Variants in FBXW2 observed in about 807,000 individuals in gnomAD.
FBXW2 encodes the protein F-box/WD repeat-containing protein 2.
In FBXW2, 12 loss-of-function variants were observed where a neutral mutation model predicts 46.0. The observed-to-expected ratio is 0.26, with a 90% CI of 0.17 to 0.42. The LOEUF is 0.42. FBXW2 is among the 10% of genes least tolerant of loss of function. FBXW2 has a pLI of 1.00. For synonymous variants in FBXW2, 203 were observed against 209.6 expected, an observed-to-expected ratio of 0.97 and a Z score of 0.27; for missense variants, 360 against 537.0, an observed-to-expected ratio of 0.67 and a Z score of 3.26.
At position 120,760,850 on chromosome 9, in the gene FBXW2, ATTTCT is replaced by A. The variant is rs1452417587; in HGVS notation, c.*3704_*3708del. On this transcript the variant is annotated 3_prime_UTR_variant, in exon 8 of 8. Transcript: ENST00000608872. ...GTCTAAAATACTGTTTCCGAAAGTT[ATTTCT>A]TTTGTTTTACAAATAGAGAGCAGTA... The A allele has an allele frequency of 2.0e-5, 3 of 152,190 alleles. No individual in the cohort carries two copies. Among genetic ancestry groups the A allele is most frequent in the Non-Finnish European group, 4.4e-5 (3 of 68,030 alleles). The allele number at this position is 152,190 out of a possible 1,614,324, so 9.4% of individuals were successfully genotyped here.
In FBXW2 at chr9:120,763,395, G is replaced by C. The variant is rs2044224422; in HGVS notation, c.*1164C>G. 6.6e-6 allele frequency: 1 copy of C among 152,210 alleles called. No individual in the cohort carries two copies. Among genetic ancestry groups the C allele is most frequent in the African/African-American group, 2.4e-5 (1 of 41,460 alleles). The allele number at this position is 152,210 out of a possible 1,614,324, so 9.4% of individuals were successfully genotyped here. ...GAAAGTTAACTTGCCTGAGGCTGCA[G>C]ATTAAGTTAGAGGCAAAGGAGGAAG... On this transcript the variant is annotated 3_prime_UTR_variant, in exon 8 of 8. Coordinates refer to ENST00000608872, the MANE Select transcript of FBXW2 (RefSeq NM_012164.4).
rs1386430765 is a variant in FBXW2, at chr9:120,759,479, T to TA, written c.*5079dup. ...AATATAAACTTTATCTCATGCCCTC[T>TA]AAATCACAACATACATCAAATTCGT... On this transcript the variant is annotated 3_prime_UTR_variant, in exon 8 of 8. Transcript: ENST00000608872. 1 of 152,248 alleles carries TA rather than the reference T, an allele frequency of 6.6e-6. No individual in the cohort carries two copies. The highest frequency in any genetic ancestry group is 6.5e-5 in the Admixed American group (1 of 15,284). 9.4% of individuals were successfully genotyped at this position (152,248 alleles called of 1,614,324 possible).
intron 3 of FBXW2, among the ~76,000 whole-genome samples, chr9:120,783,262 T>C (rs1371510663): frequency 6.6e-6 from 1 of 152,192 alleles, no homozygotes; most frequent in East Asian, 1.9e-4. Flanking sequence ...TAGGAATCAC[T>C]GTTCTCTGCT....
In FBXW2 at chr9:120,778,379, G is replaced by C; in HGVS notation, c.657C>G (p.Thr219=). 2 of 1,613,638 alleles carry C rather than the reference G, an allele frequency of 1.2e-6. No individual in the cohort carries two copies. The highest frequency in any genetic ancestry group is 1.7e-6 in the Non-Finnish European group (2 of 1,179,988). Residue 219 remains threonine (T), a synonymous_variant, in exon 4 of 8, where the codon ACC becomes ACG. Coordinates refer to ENST00000608872, the MANE Select transcript of FBXW2 (RefSeq NM_012164.4). The part of the protein sequence containing the change: ...ACWEWSSGAR[T]QHFRGHTGAV... ...CCCCCGTGTGCCCCCGAAAGTGCTG[G>C]GTCCTGGCTCCGGAACTCCATTCCC...
At chr9:120,785,837 A>C (rs2044708330) in intron 3 of FBXW2, among the ~76,000 whole-genome samples, 1 of 151,748 alleles carries the variant, frequency 6.6e-6, no homozygotes, top group Admixed American at 6.6e-5. Context: ...CTGGGCAACA[A>C]GGTGAAACTC....
intron 6 of FBXW2, among the ~76,000 whole-genome samples, chr9:120,772,270 G>A (rs1163578502): frequency 6.6e-6 from 1 of 151,386 alleles, no homozygotes; most frequent in Non-Finnish European, 1.5e-5. Context: ...CAAGGCAGGC[G>A]GATCACAAGG....
chr9:120,790,401 G>A (rs934570543), intron 2 of FBXW2, among the ~76,000 whole-genome samples: 4 of 152,080 alleles, frequency 2.6e-5, no homozygotes, highest in Admixed American at 2.0e-4. Flanking sequence ...GGAGAATGGC[G>A]TGAACCCAGG....
At chr9:120,793,029 G>A (rs1254245665) in intron 2 of FBXW2, 120 bp downstream of exon 2, 3 of 1,290,532 alleles carry the variant, frequency 2.3e-6, no homozygotes, top group Non-Finnish European at 3.2e-6. Flanking sequence ...AGGAAATGGA[G>A]GCAGTAGGAG....
chr9:120,767,527 T>C (rs116765978), intron 7 of FBXW2, among the ~76,000 whole-genome samples: 1,641 of 152,322 alleles, frequency 0.011, 19 homozygotes, highest in African/African-American at 0.037. Context: ...AATATGTGTG[T>C]TCCAAATGAG....
chr9:120,766,148 A>G (rs1410780230), intron 7 of FBXW2, among the ~76,000 whole-genome samples: 1 of 152,174 alleles, frequency 6.6e-6, no homozygotes, highest in African/African-American at 2.4e-5. Context: ...GGTTCAAGAG[A>G]GCAACCAGAA....
intron 7 of FBXW2, among the ~76,000 whole-genome samples, chr9:120,767,317 T>C (rs1022814370): frequency 1.5e-4 from 23 of 152,170 alleles, no homozygotes; most frequent in African/African-American, 5.3e-4. Flanking sequence ...AAGCTCACCT[T>C]CCCAGACTGA....
chr9:120,793,410 G>A lies in FBXW2; in HGVS notation c.-186C>T, dbSNP rs2044901037. 2.5e-6 allele frequency: 1 copy of A among 398,974 alleles called. No homozygotes were observed. The highest frequency in any genetic ancestry group is 2.1e-5 in the African/African-American group (1 of 48,746). The allele number at this position is 398,974 out of a possible 1,614,324, so 24.7% of individuals were successfully genotyped here. On this transcript the variant is annotated 5_prime_UTR_variant, in exon 1 of 8. Transcript: ENST00000608872. The stretch of plus-strand genomic sequence containing the variant: ...GCCTCACAGGGGAGCGGCTTCCGGT[G>A]CTGCCTGCGTCATCTCCGCGCGTCC...
At position 120,793,187 on chromosome 9, in the gene FBXW2, T is replaced by C. The variant is rs2044890436; in HGVS notation, c.-59A>G. ...CCGGGGCCCGGGACCTCGCGCCGGG[T>C]TCACAGCTACTAGGCACGCTCGGAC... On this transcript the variant is annotated 5_prime_UTR_variant, in exon 2 of 8. Coordinates refer to ENST00000608872, the MANE Select transcript of FBXW2 (RefSeq NM_012164.4). 1 of 573,952 alleles carries C rather than the reference T, an allele frequency of 1.7e-6. No individual in the cohort carries two copies. The highest frequency in any genetic ancestry group is 1.9e-5 in the African/African-American group (1 of 52,752). The allele number at this position is 573,952 out of a possible 1,614,324, so 35.6% of individuals were successfully genotyped here.
At chr9:120,776,031 C>T in intron 5 of FBXW2, 62 bp downstream of exon 5, 1 of 1,591,566 alleles carries the variant, frequency 6.3e-7, no homozygotes, top group Non-Finnish European at 8.6e-7. Context: ...CAGTGTCTAC[C>T]ATCCTCCACG....
intron 5 of FBXW2, among the ~76,000 whole-genome samples, chr9:120,774,921 TC>T (rs954379043): frequency 1.3e-5 from 2 of 152,184 alleles, no homozygotes; most frequent in African/African-American, 4.8e-5. Flanking sequence ...TGTTCCAAGT[TC>T]TTTCCACCCG....
intron 6 of FBXW2, among the ~76,000 whole-genome samples, chr9:120,771,842 T>A (rs34623305): frequency 0.058 from 8,774 of 151,902 alleles, 351 homozygotes; most frequent in Middle Eastern, 0.096. Context: ...GTGGATCACC[T>A]GAGGTCAGGA....
intron 5 of FBXW2, among the ~76,000 whole-genome samples, chr9:120,775,219 C>T (rs1197732148): frequency 1.3e-5 from 2 of 152,110 alleles, no homozygotes; most frequent in African/African-American, 2.4e-5. Context: ...GATTTTTGTA[C>T]TTTCAGTAGC....
chr9:120,772,665 G>T, intron 6 of FBXW2, 89 bp downstream of exon 6: 1 of 817,268 alleles, frequency 1.2e-6, no homozygotes, highest in Non-Finnish European at 1.9e-6. Context: ...CCTCTTCCTA[G>T]AATGTTCACC....
At position 120,760,858 on chromosome 9, in the gene FBXW2, T is replaced by G. The variant is rs2044186803; in HGVS notation, c.*3701A>C. Reference sequence around the variant, plus strand: ...TACTGTTTCCGAAAGTTATTTCTTTTGTTTTACAAATAGAGAGCAGTAATC... The same window carrying G: ...TACTGTTTCCGAAAGTTATTTCTTTGGTTTTACAAATAGAGAGCAGTAATC... On this transcript the variant is annotated 3_prime_UTR_variant, in exon 8 of 8. Transcript: ENST00000608872. 6.6e-6 allele frequency: 1 copy of G among 152,118 alleles called. No individual in the cohort carries two copies. The highest frequency in any genetic ancestry group is 1.5e-5 in the Non-Finnish European group (1 of 67,988). The allele number at this position is 152,118 out of a possible 1,614,324, so 9.4% of individuals were successfully genotyped here.
Sources: gnomAD v4.1 joint callset for allele counts (sites outside exome capture counted in the v4.1 genomes callset) on GRCh38, gnomAD v4.1.1 for gene constraint, MANE v1.5 for transcripts, NCBI Gene and HGNC (gene_info 2026-07-23, HGNC 2026-07-21) for gene names.